Variants in CR1 observed in about 807,000 individuals in gnomAD.
The protein encoded by CR1 is complement C3b/C4b receptor 1 (Knops blood group).
CR1 carries 116 observed loss-of-function variants against 187.3 expected under a neutral mutation model. That is an observed-to-expected ratio of 0.62 (90% CI 0.53 to 0.72). The LOEUF is 0.72. CR1 is among the 30% of genes least tolerant of loss of function. CR1 has a pLI of 0.00. For synonymous variants in CR1, 576 were observed against 747.1 expected, an observed-to-expected ratio of 0.77 and a Z score of 3.73; for missense variants, 1,731 against 2,110.7, an observed-to-expected ratio of 0.82 and a Z score of 3.52.
intron 40 of CR1, among the ~76,000 whole-genome samples, chr1:207,615,575 G>T (rs1662068813): frequency 6.6e-6 from 1 of 152,110 alleles, no homozygotes; most frequent in Non-Finnish European, 1.5e-5. Flanking sequence ...ATTACTGATT[G>T]ATTCTATTCT....
At chr1:207,578,521 C>A (rs1306313289) in intron 29 of CR1, among the ~76,000 whole-genome samples, 2 of 152,226 alleles carry the variant, frequency 1.3e-5, no homozygotes, top group African/African-American at 4.8e-5. Context: ...CTATGATCAG[C>A]TATGTGCTAA....
chr1:207,604,457 T>C (rs1661690151), intron 35 of CR1, among the ~76,000 whole-genome samples: 1 of 152,234 alleles, frequency 6.6e-6, no homozygotes, highest in South Asian at 2.1e-4. Flanking sequence ...GTTTTATTTT[T>C]GACATTTAAT....
intron 33 of CR1, 137 bp downstream of exon 33, chr1:207,585,013 T>A: frequency 7.4e-7 from 1 of 1,346,434 alleles, no homozygotes; most frequent in Non-Finnish European, 1.0e-6. Flanking sequence ...TTACATACCA[T>A]AGCTAAAACA....
intron 45 of CR1, among the ~76,000 whole-genome samples, chr1:207,627,354 C>T (rs1248768274): frequency 6.6e-6 from 1 of 152,138 alleles, no homozygotes; most frequent in Non-Finnish European, 1.5e-5. Context: ...GGATACACAA[C>T]AAATCTAAAC....
chr1:207,630,686 A>C, intron 46 of CR1, 65 bp downstream of exon 46: 1 of 1,177,192 alleles, frequency 8.5e-7, no homozygotes, highest in Non-Finnish European at 1.2e-6. Context: ...TGGAAACAGG[A>C]CTTGAATATG....
rs1159406828 is a variant in CR1, at chr1:207,640,556, A to G, written c.*1147A>G. The G allele has an allele frequency of 2.0e-5, 3 of 152,278 alleles. No individual in the cohort carries two copies. Among genetic ancestry groups the G allele is most frequent in the Non-Finnish European group, 2.9e-5 (2 of 68,048 alleles). The allele number at this position is 152,278 out of a possible 1,614,324, so 9.4% of individuals were successfully genotyped here. ...TATAAAAGTACTAGCTTACTTTTGT[A>G]TGGATTCAGAATATACTAAATTAAC... On this transcript the variant is annotated 3_prime_UTR_variant, in exon 47 of 47. Coordinates refer to ENST00000367049, the MANE Select transcript of CR1 (RefSeq NM_000651.6).
In CR1 at chr1:207,639,587, CTT is replaced by C. The variant is rs1285869207; in HGVS notation, c.*180_*181del. ...CTGGTACCTAGCAAAGCTCCTGCCT[CTT>C]TGTGTGCGTCACTGTGAAACCCCCA... On this transcript the variant is annotated 3_prime_UTR_variant, in exon 47 of 47. Transcript: ENST00000367049. 5 of 597,288 alleles carry C rather than the reference CTT, an allele frequency of 8.4e-6. No individual in the cohort carries two copies. The highest frequency in any genetic ancestry group is 1.5e-5 in the Non-Finnish European group (5 of 338,516). 37.0% of individuals were successfully genotyped at this position (597,288 alleles called of 1,614,324 possible).
intron 39 of CR1, 74 bp from the exon 40 acceptor site, chr1:207,614,330 G>A (rs1558268490): frequency 7.8e-6 from 9 of 1,151,604 alleles, no homozygotes; most frequent in Middle Eastern, 4.0e-4. Flanking sequence ...AGGAAGCTGA[G>A]CATCTATTAG....
chr1:207,505,988 T>C lies in CR1; in HGVS notation c.206T>C (p.Leu69Pro). Reference protein sequence around the residue: ...DEFEFPIGTYLNYECRPGYSG... With the variant: ...DEFEFPIGTYPNYECRPGYSG... ...TTTGAGTTTCCCATTGGGACATATC[T>C]GAACTATGAATGCCGCCCTGGTTAT... Residue 69 changes from leucine to proline, a missense_variant, in exon 2 of 47, where the codon CTG becomes CCG. By Grantham distance (98) the Leu-to-Pro change is moderately conservative. Transcript: ENST00000367049. 1 of 1,613,978 alleles carries C rather than the reference T, an allele frequency of 6.2e-7. No individual in the cohort carries two copies. Among genetic ancestry groups the C allele is most frequent in the Non-Finnish European group, 8.5e-7 (1 of 1,179,868 alleles).
chr1:207,617,973 A>G (rs1407998517), intron 41 of CR1, 98 bp from the exon 42 acceptor site: 65 of 1,352,524 alleles, frequency 4.8e-5, no homozygotes, highest in South Asian at 1.8e-4. Flanking sequence ...GTCTTCATGT[A>G]CCTCTAATAG....
chr1:207,511,722 A>AG, intron 4 of CR1, 68 bp downstream of exon 4: 1 of 1,462,834 alleles, frequency 6.8e-7, no homozygotes, highest in Non-Finnish European at 9.5e-7. Context: ...AATAATAAAA[A>AG]TCTTAACTGA....
At chr1:207,587,588 C>A in intron 34 of CR1, 23 bp downstream of exon 34, 1 of 1,606,056 alleles carries the variant, frequency 6.2e-7, no homozygotes, top group Non-Finnish European at 8.5e-7. Context: ...TCCCTGGGAA[C>A]TACTTCATGT....
In CR1 at chr1:207,618,285, T is replaced by A. The variant is rs574483556; in HGVS notation, c.7066+38T>A. Reference sequence around the variant, plus strand: ...TTGGTATTCCTTATTCTTGCTGGGTTGTATGGAATGCATGAGGCTTGTAAG... The same window carrying A: ...TTGGTATTCCTTATTCTTGCTGGGTAGTATGGAATGCATGAGGCTTGTAAG... On this transcript the variant is annotated intron_variant, in intron 42 of 46. Coordinates refer to ENST00000367049, the MANE Select transcript of CR1 (RefSeq NM_000651.6). 13 of 1,582,722 alleles carry A rather than the reference T, an allele frequency of 8.2e-6. No homozygotes were observed. In the African/African-American group the frequency reaches 1.5e-4, roughly 18 times the overall value.
intron 27 of CR1, among the ~76,000 whole-genome samples, chr1:207,574,319 A>G (rs750316493): frequency 6.6e-6 from 1 of 152,236 alleles, no homozygotes; most frequent in Non-Finnish European, 1.5e-5. Flanking sequence ...CCCGCAAAAG[A>G]AATAAGTTTA....
At chr1:207,511,168 G>A (rs1211633021) in intron 3 of CR1, among the ~76,000 whole-genome samples, 1 of 152,006 alleles carries the variant, frequency 6.6e-6, no homozygotes, top group Non-Finnish European at 1.5e-5. Context: ...GCCCATCCAT[G>A]CATCCATGCA....
intron 35 of CR1, among the ~76,000 whole-genome samples, chr1:207,596,600 G>A: frequency 6.6e-6 from 1 of 151,778 alleles, no homozygotes; most frequent in East Asian, 1.9e-4. Context: ...GGCAACAAGA[G>A]CGAAACTCTG....
chr1:207,613,584 T>A (rs11811877), intron 39 of CR1, among the ~76,000 whole-genome samples: 10,447 of 152,070 alleles, frequency 0.069, 1,214 homozygotes, highest in African/African-American at 0.24. Context: ...CTAGGATTTG[T>A]CTGCCTCCTG....
At chr1:207,576,194 T>C (rs1660738963) in intron 28 of CR1, among the ~76,000 whole-genome samples, 1 of 152,238 alleles carries the variant, frequency 6.6e-6, no homozygotes, top group Non-Finnish European at 1.5e-5. Flanking sequence ...TAACAGGGAA[T>C]ATAAAATGTG....
intron 45 of CR1, among the ~76,000 whole-genome samples, chr1:207,625,812 G>T (rs1662462355): frequency 1.3e-5 from 2 of 152,182 alleles, no homozygotes; most frequent in Non-Finnish European, 2.9e-5. Flanking sequence ...GGTAGAGTCA[G>T]TCAGTTGCCA....
Sources: gnomAD v4.1 joint callset for allele counts (sites outside exome capture counted in the v4.1 genomes callset) on GRCh38, gnomAD v4.1.1 for gene constraint, MANE v1.5 for transcripts, NCBI Gene and HGNC (gene_info 2026-07-23, HGNC 2026-07-21) for gene names.